The following TGFA variants were observed in gnomAD, a reference collection of about 807,000 sequenced individuals.
TGFA encodes the protein protransforming growth factor alpha.
A neutral mutation model predicts 21.7 loss-of-function variants in TGFA; 12 were observed. That is an observed-to-expected ratio of 0.55 (90% CI 0.35 to 0.90). TGFA has a LOEUF of 0.90. TGFA is among the 40% of genes least tolerant of loss of function. The pLI is 0.01. For missense variants in TGFA, 178 were observed against 210.8 expected (o/e 0.84, Z 0.96); for synonymous variants, 79 against 88.1 (o/e 0.90, Z 0.58).
chr2:70,527,411 A>G (rs552652013), intron 1 of TGFA, among the ~76,000 whole-genome samples: 1 of 152,346 alleles, frequency 6.6e-6, no homozygotes, highest in Admixed American at 6.5e-5. Context: ...AGATTGTAAA[A>G]AGATCAGTAG....
intron 2 of TGFA, among the ~76,000 whole-genome samples, chr2:70,495,365 C>T (rs1671546428): frequency 2.6e-5 from 4 of 152,210 alleles, no homozygotes; most frequent in Admixed American, 2.0e-4. Flanking sequence ...AATCCCTCCA[C>T]ATTTTACATG....
At chr2:70,450,992 C>A (rs1670036296) in intron 5 of TGFA, 126 bp from the exon 6 acceptor site, 3 of 1,166,486 alleles carry the variant, frequency 2.6e-6, no homozygotes, top group East Asian at 2.6e-5. Flanking sequence ...GGCAGTTAGG[C>A]CCGAGTCCAA....
intron 1 of TGFA, among the ~76,000 whole-genome samples, chr2:70,534,486 G>C (rs1672914553): frequency 6.6e-6 from 1 of 152,076 alleles, no homozygotes; most frequent in African/African-American, 2.4e-5. Flanking sequence ...CACTCACTGG[G>C]GGACAGACTG....
chr2:70,466,101 C>T (rs974638070), intron 2 of TGFA, among the ~76,000 whole-genome samples: 1 of 152,022 alleles, frequency 6.6e-6, no homozygotes, highest in Non-Finnish European at 1.5e-5. Flanking sequence ...GTTTTGAAAG[C>T]AAGAGAATGG....
chr2:70,478,976 G>A (rs2166976), intron 2 of TGFA, among the ~76,000 whole-genome samples: 79,563 of 151,942 alleles, frequency 0.52, 21,006 homozygotes, highest in East Asian at 0.61. Flanking sequence ...AAATTAGCAT[G>A]CTTACTTCCT....
At chr2:70,479,818 T>C (rs1285621292) in intron 2 of TGFA, among the ~76,000 whole-genome samples, 3 of 152,254 alleles carry the variant, frequency 2.0e-5, no homozygotes, top group Admixed American at 6.5e-5. Context: ...ACTTGTTTCA[T>C]AGATGCAGTG....
intron 1 of TGFA, among the ~76,000 whole-genome samples, chr2:70,522,582 TG>T (rs1672504538): frequency 6.6e-6 from 1 of 152,120 alleles, no homozygotes; most frequent in African/African-American, 2.4e-5. Context: ...TACAGGTGTG[TG>T]TCATCACACC....
intron 1 of TGFA, among the ~76,000 whole-genome samples, chr2:70,532,931 G>A (rs411053): frequency 0.1 from 15,295 of 150,726 alleles, 1,061 homozygotes; most frequent in Middle Eastern, 0.2. Context: ...CACAATCACT[G>A]CTCACTGCAG....
chr2:70,477,593 G>A (rs562733660), intron 2 of TGFA, among the ~76,000 whole-genome samples: 2 of 152,322 alleles, frequency 1.3e-5, no homozygotes, highest in South Asian at 2.1e-4. Flanking sequence ...GTGTGACCAT[G>A]TGACCAGGAT....
intron 2 of TGFA, among the ~76,000 whole-genome samples, chr2:70,485,128 C>T (rs1671231351): frequency 6.6e-6 from 1 of 152,198 alleles, no homozygotes; most frequent in African/African-American, 2.4e-5. Flanking sequence ...TCTGTAGTTA[C>T]CCAAGGTGGT....
At chr2:70,492,883 T>C (rs1396097302) in intron 2 of TGFA, among the ~76,000 whole-genome samples, 2 of 152,218 alleles carry the variant, frequency 1.3e-5, no homozygotes, top group Non-Finnish European at 2.9e-5. Flanking sequence ...AAAAAAACTT[T>C]ACATTTAGTT....
intron 2 of TGFA, among the ~76,000 whole-genome samples, chr2:70,508,654 G>A (rs1672004633): frequency 6.6e-6 from 1 of 152,178 alleles, no homozygotes; most frequent in South Asian, 2.1e-4. Context: ...TAAAACAAGA[G>A]TCATGAAATG....
chr2:70,504,224 C>A (rs114410144), intron 2 of TGFA, among the ~76,000 whole-genome samples: 2,119 of 151,174 alleles, frequency 0.014, 56 homozygotes, highest in African/African-American at 0.049. Context: ...TGAACCTGGG[C>A]AACATGGCAA....
At chr2:70,550,463 TAATTA>T (rs1316621266) in intron 1 of TGFA, among the ~76,000 whole-genome samples, 30 of 151,626 alleles carry the variant, frequency 2.0e-4, no homozygotes, top group Non-Finnish European at 3.8e-4. Context: ...AAAAATTAAA[TAATTA>T]AATAATTAAA....
intron 3 of TGFA, among the ~76,000 whole-genome samples, chr2:70,457,667 G>A (rs1257749738): frequency 2.6e-5 from 4 of 151,362 alleles, no homozygotes; most frequent in African/African-American, 4.9e-5. Flanking sequence ...TCAGCCTCCC[G>A]AGTAGCTGGG....
At chr2:70,463,478 G>A (rs1345270704) in intron 3 of TGFA, among the ~76,000 whole-genome samples, 1 of 152,168 alleles carries the variant, frequency 6.6e-6, no homozygotes, top group Non-Finnish European at 1.5e-5. Flanking sequence ...AACAGCTGAA[G>A]AGGGGGCTCT....
chr2:70,498,543 C>A (rs563065388), intron 2 of TGFA, among the ~76,000 whole-genome samples: 1 of 152,068 alleles, frequency 6.6e-6, no homozygotes, highest in Non-Finnish European at 1.5e-5. Context: ...TCTCTTTATC[C>A]CCTTTATCAT....
intron 2 of TGFA, among the ~76,000 whole-genome samples, chr2:70,486,706 C>T (rs1181845384): frequency 6.6e-6 from 1 of 152,060 alleles, no homozygotes; most frequent in African/African-American, 2.4e-5. Context: ...AAGCTATCTG[C>T]CTGCCATGGC....
chr2:70,470,348 C>G (rs1670701768), intron 2 of TGFA, among the ~76,000 whole-genome samples: 1 of 152,136 alleles, frequency 6.6e-6, no homozygotes, highest in Admixed American at 6.6e-5. Flanking sequence ...AGCTGAGGGA[C>G]AAATCTAACT....
Sources: allele counts gnomAD v4.1 joint callset (sites outside exome capture counted in the v4.1 genomes callset), GRCh38; gene constraint gnomAD v4.1.1; transcripts MANE v1.5; gene names NCBI Gene and HGNC (gene_info 2026-07-23, HGNC 2026-07-21).